The following ATP13A3 variants were observed in gnomAD, a reference collection of about 807,000 sequenced individuals.
ATP13A3 encodes the protein ATPase 13A3.
ATP13A3 carries 59 observed loss-of-function variants against 158.1 expected under a neutral mutation model. The observed-to-expected ratio is 0.37, with a 90% CI of 0.30 to 0.46. The LOEUF (loss-of-function observed/expected upper bound fraction) is 0.46, where lower values mean the gene tolerates loss of function less well. ATP13A3 is among the 20% of genes least tolerant of loss of function. ATP13A3 has a pLI of 1.00. For synonymous variants in ATP13A3, 491 were observed against 504.3 expected, an observed-to-expected ratio of 0.97 and a Z score of 0.35; for missense variants, 1,166 against 1,525.2, an observed-to-expected ratio of 0.76 and a Z score of 3.92.
chr3:194,477,188 C>T (rs1320166321), intron 2 of ATP13A3, among the ~76,000 whole-genome samples: 1 of 152,192 alleles, frequency 6.6e-6, no homozygotes, highest in African/African-American at 2.4e-5. Flanking sequence ...AGGACCAGCT[C>T]AAGCTACTAA....
At chr3:194,434,617 C>T (rs963477538) in intron 20 of ATP13A3, among the ~76,000 whole-genome samples, 17 of 152,148 alleles carry the variant, frequency 1.1e-4, no homozygotes, top group Admixed American at 7.9e-4. Context: ...GTGATAGTTA[C>T]GTTCTTAAGA....
chr3:194,415,787 T>C (rs935183924), intron 31 of ATP13A3, among the ~76,000 whole-genome samples: 3 of 147,074 alleles, frequency 2.0e-5, no homozygotes, highest in Non-Finnish European at 4.5e-5. Flanking sequence ...CTCCTTACAA[T>C]ACCACATTGT....
Position 194,476,766 on chromosome 3 carries a change from G to GTTTTTT in ATP13A3, c.-47+9022_-47+9027dup, listed in dbSNP as rs367780103. On this transcript the variant is annotated intron_variant, in intron 2 of 33. Coordinates refer to ENST00000645319, the MANE Select transcript of ATP13A3 (RefSeq NM_001367549.1). ...AAGAGTACCTTCAAAGTAAGTTGTT[G>GTTTTTT]TTTTTTTTTTTTTTCAAAACAATTA... Among the ~76,000 whole-genome samples, 578 of 128,696 alleles carry GTTTTTT rather than the reference G, an allele frequency of 4.5e-3. 3 individuals carry two copies. Among genetic ancestry groups the GTTTTTT allele is most frequent in the African/African-American group, 0.014 (485 of 34,960 alleles). 84.4% of individuals were successfully genotyped at this position (128,696 alleles called of 152,430 possible).
chr3:194,410,327 A>AC (rs1560066860), intron 33 of ATP13A3, among the ~76,000 whole-genome samples: 12 of 148,620 alleles, frequency 8.1e-5, no homozygotes, highest in African/African-American at 2.5e-4. Flanking sequence ...AAAAAAAAAA[A>AC]AAAACTGCTG....
At chr3:194,467,441 T>C (rs768635631) in intron 2 of ATP13A3, among the ~76,000 whole-genome samples, 2 of 152,228 alleles carry the variant, frequency 1.3e-5, no homozygotes, top group Non-Finnish European at 2.9e-5. Context: ...TTACTCTTTT[T>C]ATGAGTGTAA....
chr3:194,427,199 G>A lies in ATP13A3; in HGVS notation c.3001C>T (p.Leu1001Phe), dbSNP rs1250884327. Residue 1001 changes from leucine to phenylalanine, a missense_variant, in exon 29 of 34, where the codon CTT becomes TTT. Around this residue, in one of 3 missense-constraint regions of ATP13A3, gnomAD observed 997 missense variants for 1,341.2 expected, o/e 0.74. Coordinates refer to ENST00000645319, the MANE Select transcript of ATP13A3 (RefSeq NM_001367549.1). ...GAGAAGAGAAGGGCCCCAGATATAA[G>A]ACCCGAAGGTGGTCTTTGTGCCACA... is the stretch of plus-strand genomic sequence containing the variant. ...ELVAQRPPSG[L>F]ISGALLFSVL... The A allele has an allele frequency of 1.2e-6, 2 of 1,612,312 alleles. No homozygotes were observed. The highest frequency in any genetic ancestry group is 2.2e-5 in the East Asian group (1 of 44,868).
intron 6 of ATP13A3, among the ~76,000 whole-genome samples, chr3:194,458,569 G>A (rs781330767): frequency 6.6e-6 from 1 of 151,972 alleles, no homozygotes; most frequent in African/African-American, 2.4e-5. Context: ...TGTATTTTTA[G>A]TAGGGACGGG....
upstream of ATP13A3, among the ~76,000 whole-genome samples, chr3:194,491,494 C>G (rs143650454): frequency 0.01 from 1,414 of 138,576 alleles, 16 homozygotes; most frequent in African/African-American, 0.035. Flanking sequence ...TCTCTCACCT[C>G]GCACGCCCCC....
chr3:194,410,876 C>A (rs987419498), intron 33 of ATP13A3, among the ~76,000 whole-genome samples: 1 of 138,442 alleles, frequency 7.2e-6, no homozygotes, highest in Non-Finnish European at 1.5e-5. Context: ...CCAAAGATAA[C>A]CTTCTGAAGT....
chr3:194,464,031 G>A (rs1719837305), intron 2 of ATP13A3, among the ~76,000 whole-genome samples: 1 of 152,032 alleles, frequency 6.6e-6, no homozygotes, highest in African/African-American at 2.4e-5. Context: ...CATGATGGCG[G>A]GTGCCTGTAA....
intron 8 of ATP13A3, among the ~76,000 whole-genome samples, chr3:194,454,780 G>C (rs1490906761): frequency 6.7e-6 from 1 of 148,512 alleles, no homozygotes; most frequent in Non-Finnish European, 1.5e-5. Context: ...AGTGAGCCGA[G>C]ATCGCGCCAC....
At chr3:194,438,768 G>A (rs1336447537) in intron 17 of ATP13A3, 88 bp downstream of exon 17, 2 of 842,364 alleles carry the variant, frequency 2.4e-6, no homozygotes, top group Non-Finnish European at 1.7e-6. Context: ...GCAAGACCTT[G>A]TCTCTATAAA....
chr3:194,429,546 G>A, intron 27 of ATP13A3, 132 bp downstream of exon 27: 2 of 514,782 alleles, frequency 3.9e-6, no homozygotes, highest in Non-Finnish European at 6.6e-6. Flanking sequence ...ACAGTAAATT[G>A]AAGGTAAATT....
chr3:194,421,136 A>ATACT (rs1491477047), intron 30 of ATP13A3, among the ~76,000 whole-genome samples: 1 of 3,022 alleles, frequency 3.3e-4, no homozygotes, highest in Non-Finnish European at 5.1e-4. Context: ...ATATATATAT[A>ATACT]GTATATATAT....
Position 194,450,265 on chromosome 3 carries a change from T to C in ATP13A3, c.850A>G (p.Ile284Val). 1 of 1,610,872 alleles carries C rather than the reference T, an allele frequency of 6.2e-7. No individual in the cohort carries two copies. The highest frequency in any genetic ancestry group is 8.5e-7 in the Non-Finnish European group (1 of 1,178,170). The stretch of plus-strand genomic sequence containing the variant: ...CCTGGCACAAGGTCGGTAGAAAAGA[T>C]TTCTTCTATTTCTGAAATTAAAGAA... ...VCRVNEEIEE[I>V]FSTDLVPGDV... Residue 284 changes from isoleucine to valine, a missense_variant, in exon 11 of 34, where the codon ATC becomes GTC. Ile to Val is a conservative substitution (Grantham distance 29). Transcript: ENST00000645319.
intron 8 of ATP13A3, among the ~76,000 whole-genome samples, chr3:194,455,116 T>C (rs1299671365): frequency 6.6e-6 from 1 of 152,218 alleles, no homozygotes; most frequent in Non-Finnish European, 1.5e-5. Context: ...AACACAAATT[T>C]ACTTATATAT....
At position 194,410,331 on chromosome 3, in the gene ATP13A3, A is replaced by C. The variant is rs13084735; in HGVS notation, c.3573+1868T>G. On this transcript the variant is annotated intron_variant, in intron 33 of 33. Transcript: ENST00000645319. Reference sequence around the variant, plus strand: ...AAAAAAAAAAAAAAAAAAAAAAAAAACTGCTGGGCCTGGGATGGCATGCAC... The same window carrying C: ...AAAAAAAAAAAAAAAAAAAAAAAAACCTGCTGGGCCTGGGATGGCATGCAC... 5.6e-3 allele frequency among the ~76,000 whole-genome samples: 744 copies of C among 132,952 alleles called. 6 individuals carry two copies. Among genetic ancestry groups the C allele is most frequent in the South Asian group, 7.5e-3 (30 of 4,020 alleles). 87.2% of individuals were successfully genotyped at this position (132,952 alleles called of 152,430 possible).
rs752954946 is a variant in ATP13A3 at position 194,406,156 on chromosome 3, TG to T, written c.3574-41del. On this transcript the variant is annotated intron_variant, in intron 33 of 33. Coordinates refer to ENST00000645319, the MANE Select transcript of ATP13A3 (RefSeq NM_001367549.1). ...AAAAAACAAAACAAAACACCCCAGTTGATTAAAGGCTTGTCGTTTTAAACAG... is the reference window on the plus strand; with the variant it reads ...AAAAAACAAAACAAAACACCCCAGTTATTAAAGGCTTGTCGTTTTAAACAG... 7.4e-5 allele frequency: 119 copies of T among 1,600,316 alleles called. No homozygotes were observed. The African/African-American group carries it at 1.3e-3, about 17-fold the overall frequency.
At position 194,457,788 on chromosome 3, in the gene ATP13A3, T is replaced by C. The variant is rs924982909; in HGVS notation, c.480-614A>G. Among the ~76,000 whole-genome samples, 3 of 149,226 alleles carry C rather than the reference T, an allele frequency of 2.0e-5. No homozygotes were observed. The East Asian group carries it at 5.8e-4, about 29-fold the overall frequency. On this transcript the variant is annotated intron_variant, in intron 6 of 33. Transcript: ENST00000645319. ...TTCCCAAAATATCTTAATTATGCTT[T>C]TTTTTTTTTTTTTTTTGAGATGGAG...
Sources: gnomAD v4.1 joint callset for allele counts (sites outside exome capture counted in the v4.1 genomes callset) on GRCh38, gnomAD v4.1.1 for gene constraint, gnomAD v4.1.1 regional missense constraint, MANE v1.5 for transcripts, NCBI Gene and HGNC (gene_info 2026-07-23, HGNC 2026-07-21) for gene names.